RTKN: variants seen among roughly 807,000 people sequenced by gnomAD.
The protein encoded by RTKN is rhotekin.
Under a neutral mutation model 63.5 loss-of-function variants are expected in RTKN, and 49 were observed. The ratio of observed to expected loss-of-function variants is 0.77; its 90% CI spans 0.61 to 0.98. The LOEUF (loss-of-function observed/expected upper bound fraction) is 0.98, where lower values mean the gene tolerates loss of function less well. Among genes scored for constraint, RTKN ranks in the 50% least tolerant of loss-of-function variants. The probability of loss-of-function intolerance (pLI) is 0.00; values close to 1 mark genes in which losing one functional copy is unlikely to be tolerated. For missense variants in RTKN, 685 were observed against 740.8 expected (o/e 0.92, Z 0.87); for synonymous variants, 295 against 290.4 (o/e 1.02, Z -0.16).
intron 1 of RTKN, among the ~76,000 whole-genome samples, chr2:74,433,744 C>T (rs1010536738): frequency 1.3e-5 from 2 of 152,158 alleles, no homozygotes; most frequent in Non-Finnish European, 2.9e-5. Flanking sequence ...CCGCCCACCT[C>T]GGCCTCCCAA....
At position 74,427,165 on chromosome 2, in the gene RTKN, T is replaced by G. The variant is rs1411363579; in HGVS notation, c.1360+4A>C. 1.4e-5 allele frequency: 22 copies of G among 1,612,174 alleles called. No individual in the cohort carries two copies. The highest frequency in any genetic ancestry group is 1.9e-5 in the Non-Finnish European group (22 of 1,178,434). ...TTCCTGGAGTTCACATTCCTCTCAC[T>G]TACCCATCTCATGGTACAAGGACCC... On this transcript the variant is annotated splice_donor_region_variant and intron_variant, in intron 11 of 11. Coordinates refer to ENST00000272430, the MANE Select transcript of RTKN (RefSeq NM_001015055.2).
Position 74,433,119 on chromosome 2 carries a change from T to C in RTKN, c.112-453A>G, listed in dbSNP as rs1254686333. 2.0e-5 allele frequency among the ~76,000 whole-genome samples: 3 copies of C among 151,638 alleles called. No homozygotes were observed. The East Asian group carries it at 5.9e-4, about 30-fold the overall frequency. On this transcript the variant is annotated intron_variant, in intron 1 of 11. Coordinates refer to ENST00000272430, the MANE Select transcript of RTKN (RefSeq NM_001015055.2). ...TTAGCAGGGCGTGGTGGCGGGCGCCTGTAGTCCCAGCTACTTGGGAGGCTG... is the reference window on the plus strand; with the variant it reads ...TTAGCAGGGCGTGGTGGCGGGCGCCCGTAGTCCCAGCTACTTGGGAGGCTG...
Position 74,426,774 on chromosome 2 carries a change from G to A in RTKN, c.1361-200C>T, listed in dbSNP as rs533522666. 7 of 1,365,598 alleles carry A rather than the reference G, an allele frequency of 5.1e-6. No individual in the cohort carries two copies. In the South Asian group the frequency reaches 6.1e-5, roughly 12 times the overall value. The allele number at this position is 1,365,598 out of a possible 1,614,324, so 84.6% of individuals were successfully genotyped here. A position where few individuals can be genotyped will look rare whatever the true frequency, so the allele number is the denominator to read the frequency against. On this transcript the variant is annotated intron_variant, in intron 11 of 11. Transcript: ENST00000272430. ...CTCTGATAAGACTGTGGGACATGGG[G>A]CACAAGGTAGATGGGGATGGGAAGG...
At chr2:74,433,785 G>A (rs751391856) in intron 1 of RTKN, among the ~76,000 whole-genome samples, 4 of 152,054 alleles carry the variant, frequency 2.6e-5, no homozygotes, top group African/African-American at 4.8e-5. Flanking sequence ...GAGCCACCGC[G>A]CCCGGCCTCA....
Position 74,427,854 on chromosome 2 carries a change from G to A in RTKN, c.1087-262C>T, listed in dbSNP as rs915556939. On this transcript the variant is annotated intron_variant, in intron 9 of 11. Coordinates refer to ENST00000272430, the MANE Select transcript of RTKN (RefSeq NM_001015055.2). Reference sequence around the variant, plus strand: ...CAGGGAAGACACAAAGGTAGGCAAGGATGCTCCAGCCAGAGGTCCCTCAGA... The same window carrying A: ...CAGGGAAGACACAAAGGTAGGCAAGAATGCTCCAGCCAGAGGTCCCTCAGA... 43 of 515,878 alleles carry A rather than the reference G, an allele frequency of 8.3e-5. 2 individuals carry two copies. The highest frequency in any genetic ancestry group is 6.9e-6 in the Non-Finnish European group (2 of 290,414). 32.0% of individuals were successfully genotyped at this position (515,878 alleles called of 1,614,324 possible).
chr2:74,428,735 C>T lies in RTKN; in HGVS notation c.853G>A (p.Glu285Lys), dbSNP rs1670565492. 6.2e-7 allele frequency: 1 copy of T among 1,613,514 alleles called. No homozygotes were observed. Among genetic ancestry groups the T allele is most frequent in the Non-Finnish European group, 8.5e-7 (1 of 1,179,780 alleles). Residue 285 changes from glutamate to lysine, a missense_variant and splice_region_variant, in exon 8 of 12, where the codon GAG becomes AAG. Physicochemically the swap from Glu to Lys is moderately conservative, Grantham distance 56. Coordinates refer to ENST00000272430, the MANE Select transcript of RTKN (RefSeq NM_001015055.2). ...TAAAGGGGCAGCCAGGCAGGGTTCT[C>T]CTCTGGGGGAGGAGGAAGTGCAGGG... ...THDLTLASHE[E>K]NPAWLPLYGS...
At chr2:74,430,862 T>C (rs749344617) in intron 2 of RTKN, 185 bp from the exon 3 acceptor site, 69 of 612,522 alleles carry the variant, frequency 1.1e-4, no homozygotes, top group Non-Finnish European at 1.8e-4. Context: ...TTGCCAGGCT[T>C]GGGGACACCA....
At chr2:74,439,134 C>A (rs571244230) in intron 1 of RTKN, among the ~76,000 whole-genome samples, 1 of 152,286 alleles carries the variant, frequency 6.6e-6, no homozygotes, top group South Asian at 2.1e-4. Context: ...AAAACAAATA[C>A]ACGAATAAAC....
At chr2:74,427,058 T>C (rs1335574389) in intron 11 of RTKN, 111 bp downstream of exon 11, 1 of 1,483,872 alleles carries the variant, frequency 6.7e-7, no homozygotes, top group African/African-American at 1.4e-5. Context: ...TCCCCAGAGA[T>C]CTGGTGTAGC....
At chr2:74,432,740 G>C in intron 1 of RTKN, 74 bp from the exon 2 acceptor site, 1 of 1,335,636 alleles carries the variant, frequency 7.5e-7, no homozygotes, top group Admixed American at 1.9e-5. Flanking sequence ...CCAGTCCCCA[G>C]GTGGGCTGTG....
intron 1 of RTKN, chr2:74,440,249 G>A: frequency 1.6e-6 from 1 of 638,688 alleles, no homozygotes; most frequent in South Asian, 6.9e-5. Context: ...GTGAGCCCAG[G>A]GAATGGGACA....
At chr2:74,438,957 T>A (rs143887487) in intron 1 of RTKN, among the ~76,000 whole-genome samples, 28 of 152,354 alleles carry the variant, frequency 1.8e-4, no homozygotes, top group Non-Finnish European at 3.4e-4. Flanking sequence ...CGAAAAGAGC[T>A]TGGCAGATAG....
rs931740822 is a variant in RTKN, at chr2:74,426,310, C to T, written c.1625G>A (p.Arg542Gln). The T allele has an allele frequency of 9.3e-6, 15 of 1,613,736 alleles. No homozygotes were observed. The African/African-American group carries it at 1.5e-4, about 16-fold the overall frequency. The change falls in exon 12 of 12, where the codon CGA (arginine) becomes CAA (glutamine). Residue 542 changes from arginine (R) to glutamine (Q), a missense_variant. Coordinates refer to ENST00000272430, the MANE Select transcript of RTKN (RefSeq NM_001015055.2). ...ARSVAPLPPQRSPRTRGLCSK... is the reference protein window; with the variant it reads ...ARSVAPLPPQQSPRTRGLCSK... ...GCAGAGGCCTCTGGTCCGTGGGGAT[C>T]GCTGAGGTGGGAGGGGGGCAACCGA...
chr2:74,441,652 TG>T, intron 1 of RTKN, 53 bp downstream of exon 1: 2 of 1,350,772 alleles, frequency 1.5e-6, no homozygotes, highest in Non-Finnish European at 2.1e-6. Flanking sequence ...CCGAGGTGGC[TG>T]GGGCTGCCCC....
chr2:74,429,325 TCA>T (rs1262599278), intron 6 of RTKN, among the ~76,000 whole-genome samples: 1 of 152,192 alleles, frequency 6.6e-6, no homozygotes, highest in Non-Finnish European at 1.5e-5. Context: ...AAACTGCTTC[TCA>T]GAGTCTCAGT....
intron 10 of RTKN, 22 bp downstream of exon 10, chr2:74,427,402 A>C (rs773633062): frequency 2.3e-5 from 37 of 1,613,512 alleles, no homozygotes; most frequent in Non-Finnish European, 3.0e-5. Context: ...CAAAGGTTCA[A>C]CCCAGCCCCC....
At chr2:74,430,997 G>T in intron 2 of RTKN, 1 of 333,888 alleles carries the variant, frequency 3.0e-6, no homozygotes, top group East Asian at 4.8e-5. Flanking sequence ...GGGGACAGGT[G>T]CCCACAGAAA....
chr2:74,428,831 T>G lies in RTKN; in HGVS notation c.850+17A>C, dbSNP rs1170649486. ...CACCATCACATGTGTATGTCCCCCATGCACACACATACTTACCATGACTGG... is the reference window on the plus strand; with the variant it reads ...CACCATCACATGTGTATGTCCCCCAGGCACACACATACTTACCATGACTGG... On this transcript the variant is annotated intron_variant, in intron 7 of 11. Transcript: ENST00000272430. 1.2e-6 allele frequency: 2 copies of G among 1,607,648 alleles called. No individual in the cohort carries two copies. Among genetic ancestry groups the G allele is most frequent in the Non-Finnish European group, 1.7e-6 (2 of 1,174,188 alleles).
At position 74,430,655 on chromosome 2, in the gene RTKN, CG is replaced by C. The variant is rs1558543353; in HGVS notation, c.333del (p.Ala112LeufsTer53). The C allele has an allele frequency of 1.2e-6, 2 of 1,612,830 alleles. No individual in the cohort carries two copies. The highest frequency in any genetic ancestry group is 2.7e-5 in the African/African-American group (2 of 74,886). On this transcript the variant is annotated frameshift_variant, in exon 3 of 12. Transcript: ENST00000272430. LOFTEE classifies it high-confidence loss of function. Reference protein sequence around the residue: ...TSRRPSDSGPPAERSPCRGRV... With the variant: ...TSRRPSDSGPXAERSPCRGRV... ...CGGCCGCGGCAGGGGGAGCGCTCAG[CG>C]GGCGGGCCACTGTCAGAAGGCCTGT... is the stretch of plus-strand genomic sequence containing the variant.
Sources: allele counts gnomAD v4.1 joint callset (sites outside exome capture counted in the v4.1 genomes callset), GRCh38; gene constraint gnomAD v4.1.1; transcripts MANE v1.5; gene names NCBI Gene and HGNC (gene_info 2026-07-23, HGNC 2026-07-21).